DPF3: variants seen among roughly 807,000 people sequenced by gnomAD.
The protein encoded by DPF3 is zinc finger protein DPF3.
In DPF3, 18 loss-of-function variants were observed where a neutral mutation model predicts 56.8. The observed-to-expected ratio is 0.32, with a 90% confidence interval of 0.22 to 0.47. The LOEUF is 0.47. DPF3 is among the 20% of genes least tolerant of loss of function. The pLI is 1.00. For missense variants in DPF3, 403 were observed against 488.8 expected, an observed-to-expected ratio of 0.82 and a Z score of 1.65; for synonymous variants, 188 against 180.2, an observed-to-expected ratio of 1.04 and a Z score of -0.35.
chr14:72,881,952 G>T (rs1490755738), intron 1 of DPF3, among the ~76,000 whole-genome samples: 1 of 152,182 alleles, frequency 6.6e-6, no homozygotes, highest in Non-Finnish European at 1.5e-5. Flanking sequence ...AAGTGAAGGG[G>T]GGGAAGATAA....
chr14:72,752,054 G>A (rs181415522), intron 3 of DPF3, among the ~76,000 whole-genome samples: 11 of 152,268 alleles, frequency 7.2e-5, no homozygotes, highest in Non-Finnish European at 1.3e-4. Flanking sequence ...CAAAGCAGTC[G>A]TAACCCTGGA....
chr14:72,654,947 G>A (rs1886021314), intron 8 of DPF3, among the ~76,000 whole-genome samples: 1 of 152,058 alleles, frequency 6.6e-6, no homozygotes, highest in Non-Finnish European at 1.5e-5. Flanking sequence ...ATCTATGGAG[G>A]GTAAAACAGT....
At chr14:72,745,271 G>A (rs1437486370) in intron 3 of DPF3, among the ~76,000 whole-genome samples, 1 of 151,980 alleles carries the variant, frequency 6.6e-6, no homozygotes, top group African/African-American at 2.4e-5. Context: ...TTTTTGTTGT[G>A]CAATTTGTTT....
chr14:72,676,236 C>T (rs1886901499), intron 7 of DPF3, among the ~76,000 whole-genome samples: 1 of 152,096 alleles, frequency 6.6e-6, no homozygotes, highest in Admixed American at 6.5e-5. Context: ...TGTGGAGATG[C>T]CAGTTGTTAC....
At chr14:72,837,651 T>C (rs1455063038) in intron 1 of DPF3, among the ~76,000 whole-genome samples, 1 of 152,020 alleles carries the variant, frequency 6.6e-6, no homozygotes, top group Non-Finnish European at 1.5e-5. Flanking sequence ...GGCAGAAGAA[T>C]CGCTTGAACC....
chr14:72,650,789 G>A (rs941996982), intron 8 of DPF3, among the ~76,000 whole-genome samples: 23 of 152,128 alleles, frequency 1.5e-4, no homozygotes, highest in African/African-American at 4.6e-4. Context: ...CAAAGGAGGC[G>A]TCTCCCTCCA....
intron 9 of DPF3, among the ~76,000 whole-genome samples, chr14:72,626,837 G>T (rs777012094): frequency 2.6e-5 from 4 of 151,808 alleles, no homozygotes; most frequent in Admixed American, 6.6e-5. Context: ...TCATCAACAG[G>T]ATATATTGTC....
chr14:72,814,515 T>C (rs1460961819), intron 1 of DPF3, among the ~76,000 whole-genome samples: 1 of 152,172 alleles, frequency 6.6e-6, no homozygotes, highest in Non-Finnish European at 1.5e-5. Context: ...CCTCATACCC[T>C]AGATAAAAAT....
chr14:72,620,847 G>T (rs193106088), intron 9 of DPF3, among the ~76,000 whole-genome samples: 1 of 152,268 alleles, frequency 6.6e-6, no homozygotes, highest in African/African-American at 2.4e-5. Flanking sequence ...ATCTAATCAC[G>T]TTTGTTTTCT....
At position 72,887,148 on chromosome 14, in the gene DPF3, T is replaced by A. The variant is rs971457344; in HGVS notation, c.32+6909A>T. Among the ~76,000 whole-genome samples, 145 of 121,200 alleles carry A rather than the reference T, an allele frequency of 1.2e-3. 1 individual carries two copies. Among genetic ancestry groups the A allele is most frequent in the African/African-American group, 4.3e-3 (142 of 33,364 alleles). The allele number at this position is 121,200 out of a possible 152,430, so 79.5% of individuals were successfully genotyped here. ...CTGGAAAATTGGTTACCCTTCTGCC[T>A]CCAAACACACACACACACACACACA... On this transcript the variant is annotated intron_variant, in intron 1 of 10. Transcript: ENST00000556509.
At chr14:72,821,129 A>C (rs1300962507) in intron 1 of DPF3, among the ~76,000 whole-genome samples, 1 of 123,524 alleles carries the variant, frequency 8.1e-6, no homozygotes, top group Admixed American at 9.8e-5. Context: ...GTGAAACTCT[A>C]TCTCAAAAAA....
At chr14:72,774,428 A>G (rs1891674606) in intron 1 of DPF3, among the ~76,000 whole-genome samples, 1 of 152,140 alleles carries the variant, frequency 6.6e-6, no homozygotes, top group Non-Finnish European at 1.5e-5. Context: ...CCAACAGTGT[A>G]CAAGGGTTCC....
At chr14:72,643,839 G>A (rs989561046) in intron 8 of DPF3, among the ~76,000 whole-genome samples, 6 of 152,204 alleles carry the variant, frequency 3.9e-5, no homozygotes, top group African/African-American at 1.2e-4. Flanking sequence ...CCTTGTCTAA[G>A]AAAGGAACAA....
At chr14:72,634,816 T>C (rs1245293518) in intron 8 of DPF3, among the ~76,000 whole-genome samples, 5 of 152,080 alleles carry the variant, frequency 3.3e-5, no homozygotes, top group Admixed American at 6.5e-5. Context: ...CCTACTATAG[T>C]GGAGGGAAGA....
At chr14:72,672,372 A>G (rs1337191786) in intron 8 of DPF3, among the ~76,000 whole-genome samples, 1 of 152,166 alleles carries the variant, frequency 6.6e-6, no homozygotes, top group Non-Finnish European at 1.5e-5. Context: ...AGCTCTTCCA[A>G]GCTCCATACT....
chr14:72,818,721 G>T (rs1018479882), intron 1 of DPF3, among the ~76,000 whole-genome samples: 1 of 152,120 alleles, frequency 6.6e-6, no homozygotes, highest in East Asian at 1.9e-4. Flanking sequence ...TAAGATAGGA[G>T]ATATGGTTGT....
At chr14:72,795,483 A>G (rs1439506964) in intron 1 of DPF3, among the ~76,000 whole-genome samples, 5 of 151,998 alleles carry the variant, frequency 3.3e-5, no homozygotes, top group East Asian at 3.8e-4. Context: ...AGGAATAAAG[A>G]ACAAAATGCA....
At chr14:72,749,855 A>C (rs1890490349) in intron 3 of DPF3, among the ~76,000 whole-genome samples, 1 of 83,926 alleles carries the variant, frequency 1.2e-5, no homozygotes, top group Non-Finnish European at 2.6e-5. Flanking sequence ...TTAAAAAAAA[A>C]AAAGAAAAGA....
Position 72,731,863 on chromosome 14 carries a change from C to T in DPF3, c.373G>A (p.Glu125Lys), listed in dbSNP as rs1295434289. 11 of 1,612,264 alleles carry T rather than the reference C, an allele frequency of 6.8e-6. No homozygotes were observed. The highest frequency in any genetic ancestry group is 1.3e-5 in the African/African-American group (1 of 74,896). ...GCATCCACCTTCTTCTCAACCCCCT[C>T]GCCACGGAGCAAGGCTTCCAGCGTG... Reference protein sequence around the residue: ...STTLEALLRGEGVEKKVDARE... With the variant: ...STTLEALLRGKGVEKKVDARE... The change falls in exon 4 of 11, where the codon GAG becomes AAG. Residue 125 changes from glutamate (E) to lysine (K), a missense_variant. This residue lies in a region of DPF3 where 340 missense variants were observed against 374.3 expected (regional missense o/e 0.91). Coordinates refer to ENST00000556509, the MANE Select transcript of DPF3 (RefSeq NM_001280542.3).
Sources: allele counts gnomAD v4.1 joint callset (sites outside exome capture counted in the v4.1 genomes callset), GRCh38; gene constraint gnomAD v4.1.1; regional missense constraint gnomAD v4.1.1; transcripts MANE v1.5; gene names NCBI Gene and HGNC (gene_info 2026-07-23, HGNC 2026-07-21).